LGALS2: variants seen among roughly 807,000 people sequenced by gnomAD.
LGALS2 encodes galectin-2.
LGALS2 carries 7 observed loss-of-function variants against 10.1 expected under a neutral mutation model. That is an observed-to-expected ratio of 0.70 (90% CI 0.40 to 1.31). LGALS2 has a LOEUF of 1.31. Ranked by LOEUF, LGALS2 falls within the 50% of genes most tolerant of loss-of-function variation. The pLI is 0.01. For missense variants in LGALS2, 167 were observed against 163.6 expected (o/e 1.02, Z -0.11); for synonymous variants, 86 against 64.2 (o/e 1.34, Z -1.63).
In LGALS2 at chr22:37,580,000, A is replaced by G; in HGVS notation, c.-95T>C. 2.2e-6 allele frequency: 3 copies of G among 1,361,506 alleles called. No individual in the cohort carries two copies. Among genetic ancestry groups the G allele is most frequent in the Admixed American group, 1.9e-5 (1 of 53,536 alleles). The allele number at this position is 1,361,506 out of a possible 1,614,324, so 84.3% of individuals were successfully genotyped here. A position where few individuals can be genotyped will look rare whatever the true frequency, so the allele number is the denominator to read the frequency against. ...AAGCTTATATCCTAGAATATTACAC[A>G]TTAACTCCCTCAAGGTCCTAGGTGA... On this transcript the variant is annotated 5_prime_UTR_variant, in exon 1 of 4. The change abolishes an upstream ATG in the 5' untranslated region. Coordinates refer to ENST00000215886, the MANE Select transcript of LGALS2 (RefSeq NM_006498.3).
chr22:37,573,287 A>G (rs1925560205), intron 1 of LGALS2, among the ~76,000 whole-genome samples: 2 of 151,294 alleles, frequency 1.3e-5, no homozygotes, highest in Admixed American at 6.6e-5. Context: ...AAAAACAAAC[A>G]AACGAACAAA....
rs1245567316 is a variant in LGALS2 at position 37,570,301 on chromosome 22, C to T, written c.361G>A (p.Gly121Ser). 1 of 1,612,330 alleles carries T rather than the reference C, an allele frequency of 6.2e-7. No individual in the cohort carries two copies. The highest frequency in any genetic ancestry group is 8.5e-7 in the Non-Finnish European group (1 of 1,178,476). ...HSHLSYLSVR[G>S]GFNMSSFKLK... ...TTGAAAGAGGACATGTTGAACCCGC[C>T]CCTTACGCTCAGGTAGCTCAGGTGG... is the stretch of plus-strand genomic sequence containing the variant. Residue 121 changes from glycine to serine, a missense_variant, in exon 4 of 4, where the codon GGC (glycine) becomes AGC (serine). Physicochemically the swap from Gly to Ser is moderately conservative, Grantham distance 56. Coordinates refer to ENST00000215886, the MANE Select transcript of LGALS2 (RefSeq NM_006498.3).
chr22:37,570,808 G>A (rs542492895), intron 2 of LGALS2, 73 bp from the exon 3 acceptor site: 1 of 1,532,074 alleles, frequency 6.5e-7, no homozygotes, highest in Non-Finnish European at 9.0e-7. Context: ...GGAGGACCTT[G>A]GTTGACCACA....
Position 37,573,722 on chromosome 22 carries a change from CTTTTTTTGTTTT to C in LGALS2, c.7-1803_7-1792del, listed in dbSNP as rs1243467453. 3.4e-5 allele frequency among the ~76,000 whole-genome samples: 4 copies of C among 118,860 alleles called. No homozygotes were observed. In the East Asian group the frequency reaches 6.2e-4, roughly 19 times the overall value. The allele number at this position is 118,860 out of a possible 152,430, so 78.0% of individuals were successfully genotyped here. On this transcript the variant is annotated intron_variant, in intron 1 of 3. Coordinates refer to ENST00000215886, the MANE Select transcript of LGALS2 (RefSeq NM_006498.3). ...TCATTTATTGTTTTACTTTCCTTTTCTTTTTTTGTTTTTTTTTTTGTTTTTTTGAGCAGAGTC... is the reference window on the plus strand; with the variant it reads ...TCATTTATTGTTTTACTTTCCTTTTCTTTTTTTGTTTTTTTGAGCAGAGTC...
At chr22:37,572,457 C>G (rs564329792) in intron 1 of LGALS2, among the ~76,000 whole-genome samples, 30 of 151,966 alleles carry the variant, frequency 2.0e-4, no homozygotes, top group Admixed American at 9.2e-4. Context: ...CATGGTGAAA[C>G]CTCGTCTCTA....
Position 37,579,985 on chromosome 22 carries a change from C to A in LGALS2, c.-80G>T, listed in dbSNP as rs1229505731. 4.0e-6 allele frequency: 6 copies of A among 1,502,276 alleles called. No homozygotes were observed. In the African/African-American group the frequency reaches 4.1e-5, roughly 10 times the overall value. 93.1% of individuals were successfully genotyped at this position (1,502,276 alleles called of 1,614,324 possible). ...TCTCAACTCGTGGTCAAGCTTATAT[C>A]CTAGAATATTACACATTAACTCCCT... is the stretch of plus-strand genomic sequence containing the variant. On this transcript the variant is annotated 5_prime_UTR_variant, in exon 1 of 4. Transcript: ENST00000215886.
Position 37,580,054 on chromosome 22 carries a change from C to T in LGALS2, c.-149G>A, listed in dbSNP as rs965743417. On this transcript the variant is annotated 5_prime_UTR_variant, in exon 1 of 4. Coordinates refer to ENST00000215886, the MANE Select transcript of LGALS2 (RefSeq NM_006498.3). ...CTTTGCCCCTTCTACCTTGTGTCTC[C>T]CCGCCTGCATCTCCCAGTACCCAGC... The T allele has an allele frequency of 6.2e-6, 4 of 646,740 alleles. No individual in the cohort carries two copies. The highest frequency in any genetic ancestry group is 2.3e-5 in the South Asian group (1 of 44,322). 40.1% of individuals were successfully genotyped at this position (646,740 alleles called of 1,614,324 possible).
rs757484172 is a variant in LGALS2, at chr22:37,570,591, T to G, written c.234A>C (p.Pro78=). 16 of 1,614,150 alleles carry G rather than the reference T, an allele frequency of 9.9e-6. No individual in the cohort carries two copies. Among genetic ancestry groups the G allele is most frequent in the Middle Eastern group, 3.3e-4 (2 of 6,082 alleles). The change falls in exon 3 of 4, where the codon CCA becomes CCC. Residue 78 remains proline (P), a synonymous_variant. Coordinates refer to ENST00000215886, the MANE Select transcript of LGALS2 (RefSeq NM_006498.3). ...TTGACCTCACCTTGACCTCTGACCCTGGGCTGAAGCACAGGTGATCTTCCC... is the reference window on the plus strand; with the variant it reads ...TTGACCTCACCTTGACCTCTGACCCGGGGCTGAAGCACAGGTGATCTTCCC... ...EQREDHLCFS[P]GSEVKFTVTF...
At chr22:37,577,112 T>C (rs897963860) in intron 1 of LGALS2, among the ~76,000 whole-genome samples, 1 of 151,914 alleles carries the variant, frequency 6.6e-6, no homozygotes, top group African/African-American at 2.4e-5. Flanking sequence ...GTATAAGGGA[T>C]TTGGATGATA....
Position 37,570,680 on chromosome 22 carries a change from G to A in LGALS2, c.145C>T (p.Arg49Cys), listed in dbSNP as rs758484681. 27 of 1,614,144 alleles carry A rather than the reference G, an allele frequency of 1.7e-5. No homozygotes were observed. The highest frequency in any genetic ancestry group is 8.9e-5 in the East Asian group (4 of 44,906). The change falls in exon 3 of 4, where the codon CGC becomes TGC. Residue 49 changes from arginine to cysteine, a missense_variant. Transcript: ENST00000215886. ...CAGACAATGGTGGATTCGCTGAAGC[G>A]AGGGTTGAAATGCAGGTTCAGCTTG... is the stretch of plus-strand genomic sequence containing the variant. ...TDKLNLHFNP[R>C]FSESTIVCNS...
At chr22:37,578,213 A>G (rs1925743805) in intron 1 of LGALS2, among the ~76,000 whole-genome samples, 1 of 152,200 alleles carries the variant, frequency 6.6e-6, no homozygotes, top group African/African-American at 2.4e-5. Context: ...CAGAGACCTC[A>G]GTGGGAATCC....
chr22:37,576,524 C>T (rs984887696), intron 1 of LGALS2, among the ~76,000 whole-genome samples: 1 of 151,630 alleles, frequency 6.6e-6, no homozygotes, highest in Non-Finnish European at 1.5e-5. Context: ...ATGAGGTTAT[C>T]CAGTGAGGAC....
chr22:37,574,876 C>CT (rs1344887301), intron 1 of LGALS2, among the ~76,000 whole-genome samples: 3,880 of 137,148 alleles, frequency 0.028, 85 homozygotes, highest in African/African-American at 0.051. Flanking sequence ...GCAGTAAGTT[C>CT]TTTTTTTTTT....
At position 37,571,848 on chromosome 22, in the gene LGALS2, C is replaced by T; in HGVS notation, c.89+1G>A. 1 of 1,613,520 alleles carries T rather than the reference C, an allele frequency of 6.2e-7. No homozygotes were observed. Among genetic ancestry groups the T allele is most frequent in the Non-Finnish European group, 8.5e-7 (1 of 1,179,404 alleles). On this transcript the variant is annotated splice_donor_variant, in intron 2 of 3. Coordinates refer to ENST00000215886, the MANE Select transcript of LGALS2 (RefSeq NM_006498.3). LOFTEE classifies it high-confidence loss of function. ...TCCCCCAACCCTGAAACCTTGCTCA[C>T]CCATCAGTGCCATCGGCGATGCTGC...
chr22:37,571,528 T>C (rs1337841915), intron 2 of LGALS2, among the ~76,000 whole-genome samples: 2 of 152,162 alleles, frequency 1.3e-5, no homozygotes, highest in African/African-American at 4.8e-5. Flanking sequence ...GTGGTGTCTC[T>C]GGGGATTTGG....
intron 1 of LGALS2, among the ~76,000 whole-genome samples, chr22:37,573,040 G>A (rs745729465): frequency 9.2e-5 from 14 of 151,638 alleles, no homozygotes; most frequent in Admixed American, 3.3e-4. Flanking sequence ...TTGGAAGGCC[G>A]AGGCAGCCAG....
At chr22:37,572,194 C>T (rs58104331) in intron 1 of LGALS2, among the ~76,000 whole-genome samples, 13,630 of 152,250 alleles carry the variant, frequency 0.09, 1,541 homozygotes, top group African/African-American at 0.27. Flanking sequence ...TCAGTTTGCC[C>T]ATCTATGAAA....
At chr22:37,575,520 A>G (rs567562787) in intron 1 of LGALS2, among the ~76,000 whole-genome samples, 1 of 151,830 alleles carries the variant, frequency 6.6e-6, no homozygotes, top group Non-Finnish European at 1.5e-5. Flanking sequence ...GAGTGCAGTG[A>G]TATGATCAGA....
Position 37,579,984 on chromosome 22 carries a change from T to A in LGALS2, c.-79A>T, listed in dbSNP as rs946394407. ...GTCTCAACTCGTGGTCAAGCTTATA[T>A]CCTAGAATATTACACATTAACTCCC... On this transcript the variant is annotated 5_prime_UTR_variant, in exon 1 of 4. Transcript: ENST00000215886. The A allele has an allele frequency of 1.3e-6, 2 of 1,503,974 alleles. No homozygotes were observed. Among genetic ancestry groups the A allele is most frequent in the African/African-American group, 1.4e-5 (1 of 72,630 alleles). The allele number at this position is 1,503,974 out of a possible 1,614,324, so 93.2% of individuals were successfully genotyped here.
Sources: gnomAD v4.1 joint callset for allele counts (sites outside exome capture counted in the v4.1 genomes callset) on GRCh38, gnomAD v4.1.1 for gene constraint, MANE v1.5 for transcripts, NCBI Gene and HGNC (gene_info 2026-07-23, HGNC 2026-07-21) for gene names.